PRTFDC1: variants seen among roughly 807,000 people sequenced by gnomAD.
PRTFDC1 encodes the protein phosphoribosyltransferase domain-containing protein 1.
PRTFDC1 carries 38 observed loss-of-function variants against 34.6 expected under a neutral mutation model. The observed-to-expected ratio is 1.10, with a 90% CI of 0.85 to 1.44. The LOEUF (loss-of-function observed/expected upper bound fraction) is 1.44, where lower values mean the gene tolerates loss of function less well. Ranked by LOEUF, PRTFDC1 falls within the 40% of genes most tolerant of loss-of-function variation. The pLI, the probability that PRTFDC1 is intolerant of heterozygous loss-of-function variation, is 0.00. For missense variants in PRTFDC1, 270 were observed against 283.0 expected (o/e 0.95, Z 0.33); for synonymous variants, 93 against 98.1 (o/e 0.95, Z 0.31).
chr10:24,858,398 A>G lies in PRTFDC1; in HGVS notation c.417T>C (p.Ile139=), dbSNP rs772834987. Reference sequence around the variant, plus strand: ...AAAGGAAATGCCAGCTTACCTCAACAATGAGAACATTCTGAAATAAACAAA... The same window carrying G: ...AAAGGAAATGCCAGCTTACCTCAACGATGAGAACATTCTGAAATAAACAAA... The part of the protein sequence containing the change: ...LSTLAGKNVL[I]VEDVVGTGRT... Residue 139 remains isoleucine, a synonymous_variant, in exon 5 of 9, where the codon ATT becomes ATC. Coordinates refer to ENST00000320152, the MANE Select transcript of PRTFDC1 (RefSeq NM_020200.7). The G allele has an allele frequency of 1.2e-6, 2 of 1,613,414 alleles. No homozygotes were observed. The highest frequency in any genetic ancestry group is 8.5e-7 in the Non-Finnish European group (1 of 1,179,420).
chr10:24,900,826 C>T (rs776297504), intron 3 of PRTFDC1, among the ~76,000 whole-genome samples: 5 of 152,040 alleles, frequency 3.3e-5, no homozygotes, highest in African/African-American at 1.2e-4. Flanking sequence ...AAGACTTGGG[C>T]CGAACATTTT....
chr10:24,930,944 T>C (rs371037528), intron 3 of PRTFDC1, among the ~76,000 whole-genome samples: 2 of 152,190 alleles, frequency 1.3e-5, no homozygotes, highest in East Asian at 1.9e-4. Flanking sequence ...AAAGAAATAG[T>C]AGTATTTAGT....
chr10:24,948,716 C>A (rs1247971473), intron 1 of PRTFDC1, among the ~76,000 whole-genome samples: 5 of 152,172 alleles, frequency 3.3e-5, no homozygotes, highest in African/African-American at 7.2e-5. Flanking sequence ...TGGACAATTC[C>A]TTGGCTGATT....
intron 3 of PRTFDC1, among the ~76,000 whole-genome samples, chr10:24,877,812 C>T (rs1000613112): frequency 2.6e-5 from 4 of 151,788 alleles, no homozygotes; most frequent in African/African-American, 4.8e-5. Flanking sequence ...GTAGAGATGG[C>T]GTTTCGCCAT....
At chr10:24,900,973 T>A (rs990615878) in intron 3 of PRTFDC1, among the ~76,000 whole-genome samples, 1 of 152,234 alleles carries the variant, frequency 6.6e-6, no homozygotes, top group Non-Finnish European at 1.5e-5. Context: ...TTGAAATTTG[T>A]GGGTCTGAAT....
At chr10:24,900,060 A>G (rs1368021582) in intron 3 of PRTFDC1, among the ~76,000 whole-genome samples, 2 of 152,182 alleles carry the variant, frequency 1.3e-5, no homozygotes, top group African/African-American at 4.8e-5. Context: ...TTAAAAATCA[A>G]TTTAAAAAAA....
intron 3 of PRTFDC1, among the ~76,000 whole-genome samples, chr10:24,910,655 G>A (rs959791085): frequency 3.9e-5 from 6 of 152,026 alleles, no homozygotes; most frequent in Non-Finnish European, 7.4e-5. Context: ...ACAAAATAAT[G>A]CAAGCCCACT....
chr10:24,931,913 G>GAA (rs374618686), intron 3 of PRTFDC1, among the ~76,000 whole-genome samples: 22,997 of 131,876 alleles, frequency 0.17, 2,223 homozygotes, highest in East Asian at 0.36. Context: ...GGCACTATAA[G>GAA]AAAAAAAAAA....
At chr10:24,867,222 A>G (rs1205476697) in intron 4 of PRTFDC1, among the ~76,000 whole-genome samples, 1 of 151,054 alleles carries the variant, frequency 6.6e-6, no homozygotes, top group African/African-American at 2.5e-5. Flanking sequence ...TTCATACACA[A>G]ATTTAATTTT....
chr10:24,896,630 G>A (rs1848369595), intron 3 of PRTFDC1, among the ~76,000 whole-genome samples: 1 of 152,224 alleles, frequency 6.6e-6, no homozygotes, highest in African/African-American at 2.4e-5. Context: ...AGGCACTTCA[G>A]AGGAAAGTCA....
chr10:24,865,965 G>A (rs921488663), intron 4 of PRTFDC1, among the ~76,000 whole-genome samples: 1 of 152,134 alleles, frequency 6.6e-6, no homozygotes, highest in African/African-American at 2.4e-5. Context: ...TTCCATTATT[G>A]TTCTCAGCTT....
chr10:24,918,960 C>T (rs1588613865), intron 3 of PRTFDC1, among the ~76,000 whole-genome samples: 2 of 152,278 alleles, frequency 1.3e-5, no homozygotes, highest in South Asian at 4.1e-4. Context: ...ATCTTAGCCC[C>T]ATTCTCGGCC....
intron 7 of PRTFDC1, 105 bp from the exon 8 acceptor site, chr10:24,851,569 T>C (rs1374931853): frequency 4.7e-6 from 7 of 1,500,488 alleles, no homozygotes; most frequent in East Asian, 2.3e-5. Flanking sequence ...GGACCTTTCA[T>C]TGAGGCAGGA....
intron 7 of PRTFDC1, among the ~76,000 whole-genome samples, chr10:24,852,942 G>C (rs944377956): frequency 6.6e-6 from 1 of 151,924 alleles, no homozygotes; most frequent in African/African-American, 2.4e-5. Flanking sequence ...CCCTTGCTAG[G>C]AAAATAAGTA....
chr10:24,851,308 C>T, intron 8 of PRTFDC1, 80 bp downstream of exon 8: 1 of 1,543,980 alleles, frequency 6.5e-7, no homozygotes, highest in Non-Finnish European at 8.7e-7. Flanking sequence ...TAGCAGACAT[C>T]ACTAACACGC....
intron 2 of PRTFDC1, 127 bp downstream of exon 2, chr10:24,942,189 AATTCACTGCCCTAT>A (rs962571309): frequency 1.5e-4 from 94 of 622,238 alleles, no homozygotes; most frequent in Admixed American, 1.0e-3. Flanking sequence ...TTTTATTCCA[AATTCACTGCCCTAT>A]ATAAAAGTTC....
rs189608876 is a variant in PRTFDC1, at chr10:24,881,509, T to C, written c.340-9446A>G. 3.3e-5 allele frequency among the ~76,000 whole-genome samples: 5 copies of C among 152,316 alleles called. No homozygotes were observed. The East Asian group carries it at 7.7e-4, about 23-fold the overall frequency. On this transcript the variant is annotated intron_variant, in intron 3 of 8. Coordinates refer to ENST00000320152, the MANE Select transcript of PRTFDC1 (RefSeq NM_020200.7). ...GTGATCCTGAAACTGCTTTGCAGGA[T>C]GGAGGTAGAAGATCTGTGGTAGAAC...
chr10:24,930,337 T>C (rs978455701), intron 3 of PRTFDC1, among the ~76,000 whole-genome samples: 1 of 152,132 alleles, frequency 6.6e-6, no homozygotes, highest in Non-Finnish European at 1.5e-5. Context: ...CAAAGCATAG[T>C]TTTCCATAAT....
chr10:24,918,515 C>T (rs1848731148), intron 3 of PRTFDC1, among the ~76,000 whole-genome samples: 1 of 152,048 alleles, frequency 6.6e-6, no homozygotes, highest in African/African-American at 2.4e-5. Flanking sequence ...TTCCTGGGCT[C>T]ATGGGATCCT....
Sources: allele counts gnomAD v4.1 joint callset (sites outside exome capture counted in the v4.1 genomes callset), GRCh38; gene constraint gnomAD v4.1.1; transcripts MANE v1.5; gene names NCBI Gene and HGNC (gene_info 2026-07-23, HGNC 2026-07-21).